RFC3: variants seen among roughly 807,000 people sequenced by gnomAD.
RFC3 encodes A1 38 kDa subunit.
Under a neutral mutation model 45.1 loss-of-function variants are expected in RFC3, and 41 were observed. That is an observed-to-expected ratio of 0.91 (90% CI 0.71 to 1.18). The LOEUF (loss-of-function observed/expected upper bound fraction) is 1.18. Among genes scored for constraint, RFC3 ranks in the 50% most tolerant of loss-of-function variants. The probability of loss-of-function intolerance (pLI) is 0.00; values close to 1 mark genes in which losing one functional copy is unlikely to be tolerated. For missense variants in RFC3, 423 were observed against 428.1 expected (o/e 0.99, Z 0.10); for synonymous variants, 149 against 144.0 (o/e 1.03, Z -0.25).
chr13:33,850,655 A>AT (rs2082270804), intron 8 of RFC3: 3 of 152,184 alleles, frequency 2.0e-5, no homozygotes, highest in African/African-American at 7.2e-5. Context: ...AAAAACAAAC[A>AT]TTAGCAAAAG....
At chr13:33,916,344 A>G (rs1206782303) in intron 8 of RFC3, among the ~76,000 whole-genome samples, 4 of 152,188 alleles carry the variant, frequency 2.6e-5, no homozygotes, top group African/African-American at 9.6e-5. Flanking sequence ...AGATGGAAAG[A>G]AAGAAAAAAA....
intron 1 of RFC3, among the ~76,000 whole-genome samples, chr13:33,818,881 GTTTTTTTTTTT>G (rs72236854): frequency 1.9e-4 from 21 of 112,040 alleles, no homozygotes; most frequent in Non-Finnish European, 3.8e-4. Flanking sequence ...CCTGAGATTA[GTTTTTTTTTTT>G]TTTTTTTTTT....
intron 8 of RFC3, among the ~76,000 whole-genome samples, chr13:33,944,826 A>G (rs2082945304): frequency 6.6e-6 from 1 of 152,044 alleles, no homozygotes; most frequent in Non-Finnish European, 1.5e-5. Flanking sequence ...CTGGATATTC[A>G]AGGAAACAGT....
chr13:33,944,073 G>A (rs2082940500), intron 8 of RFC3, among the ~76,000 whole-genome samples: 2 of 152,106 alleles, frequency 1.3e-5, no homozygotes, highest in South Asian at 4.2e-4. Flanking sequence ...ACTTTCTCAG[G>A]GTTATCCATT....
chr13:33,843,241 T>C (rs965681503), intron 8 of RFC3, among the ~76,000 whole-genome samples: 8 of 152,050 alleles, frequency 5.3e-5, no homozygotes, highest in African/African-American at 1.9e-4. Context: ...CTATGGAAAT[T>C]TGGAGCATTA....
chr13:33,931,052 A>G (rs1282115990), intron 8 of RFC3, among the ~76,000 whole-genome samples: 2 of 152,016 alleles, frequency 1.3e-5, no homozygotes, highest in East Asian at 3.9e-4. Context: ...GTGTCTTTAC[A>G]TGATATGTAG....
chr13:33,845,626 A>T (rs992042615), intron 8 of RFC3, among the ~76,000 whole-genome samples: 5 of 152,112 alleles, frequency 3.3e-5, no homozygotes, highest in African/African-American at 4.8e-5. Context: ...ATTTTTAAAA[A>T]TTTTTCAATG....
intron 8 of RFC3, among the ~76,000 whole-genome samples, chr13:33,882,340 C>G (rs2082490635): frequency 6.6e-6 from 1 of 152,168 alleles, no homozygotes; most frequent in Non-Finnish European, 1.5e-5. Flanking sequence ...CATGTAACTT[C>G]CACCATAGTC....
chr13:33,825,973 A>G, intron 4 of RFC3, 87 bp downstream of exon 4: 2 of 681,878 alleles, frequency 2.9e-6, no homozygotes. Context: ...AACAGGAGAG[A>G]AGCCTGATCT....
chr13:33,818,206 C>T lies in RFC3; in HGVS notation c.28C>T (p.Pro10Ser), dbSNP rs752098925. MSLWVDKYR[P>S]CSLGRLDYHK... ...GAGCCTCTGGGTGGACAAGTATCGG[C>T]CCTGCTCCTTGGGACGGCTGGACTA... is the stretch of plus-strand genomic sequence containing the variant. Residue 10 changes from proline (P) to serine (S), a missense_variant, in exon 1 of 9, where the codon CCC (proline) becomes TCC (serine). Physicochemically the swap from Pro to Ser is moderately conservative, Grantham distance 74 (BLOSUM62 -1). Coordinates refer to ENST00000380071, the MANE Select transcript of RFC3 (RefSeq NM_002915.4). 8 of 1,613,482 alleles carry T rather than the reference C, an allele frequency of 5.0e-6. No homozygotes were observed. In the African/African-American group the frequency reaches 5.3e-5, roughly 11 times the overall value.
At chr13:33,846,522 A>G (rs1047874245) in intron 8 of RFC3, 3 of 152,070 alleles carry the variant, frequency 2.0e-5, no homozygotes, top group Non-Finnish European at 2.9e-5. Context: ...CCTCTCCTCA[A>G]GTGGAGGGAA....
At chr13:33,831,175 C>T (rs189179161) in intron 6 of RFC3, 81 bp from the exon 7 acceptor site, 183 of 860,324 alleles carry the variant, frequency 2.1e-4, no homozygotes, top group African/African-American at 1.7e-3. Context: ...CCTAACCGCA[C>T]GGACCAGTGG....
At chr13:33,867,321 G>A (rs1032464824) in intron 8 of RFC3, among the ~76,000 whole-genome samples, 2 of 152,214 alleles carry the variant, frequency 1.3e-5, no homozygotes, top group African/African-American at 4.8e-5. Flanking sequence ...AATGGGAATT[G>A]ATTCTCTACC....
chr13:33,882,944 T>C (rs2082495079), intron 8 of RFC3, among the ~76,000 whole-genome samples: 1 of 152,228 alleles, frequency 6.6e-6, no homozygotes, highest in South Asian at 2.1e-4. Context: ...TGTCCATTTT[T>C]ATTCCTTTCT....
intron 8 of RFC3, among the ~76,000 whole-genome samples, chr13:33,956,072 GT>G (rs1186720064): frequency 6.6e-6 from 1 of 152,016 alleles, no homozygotes; most frequent in Non-Finnish European, 1.5e-5. Flanking sequence ...TAATCTATTT[GT>G]TTGCATTCAA....
chr13:33,956,626 T>C (rs1040471927), intron 8 of RFC3, among the ~76,000 whole-genome samples: 5 of 152,226 alleles, frequency 3.3e-5, no homozygotes, highest in Admixed American at 6.5e-5. Flanking sequence ...TTCTTAGAAC[T>C]TCTGTATCAA....
chr13:33,903,266 G>T (rs928532625), intron 8 of RFC3, among the ~76,000 whole-genome samples: 1 of 152,012 alleles, frequency 6.6e-6, no homozygotes, highest in Admixed American at 6.6e-5. Flanking sequence ...AATTTCTGTG[G>T]TATAAATACT....
intron 8 of RFC3, among the ~76,000 whole-genome samples, chr13:33,860,683 A>G (rs2082335380): frequency 6.6e-6 from 1 of 152,162 alleles, no homozygotes; most frequent in Non-Finnish European, 1.5e-5. Context: ...AGAAAGGGAA[A>G]TGAACCGTGT....
chr13:33,862,257 T>TTG (rs1484360913), intron 8 of RFC3, among the ~76,000 whole-genome samples: 1 of 149,474 alleles, frequency 6.7e-6, no homozygotes, highest in Non-Finnish European at 1.5e-5. Flanking sequence ...TCAGCAAAGT[T>TTG]TTTTTTTTTT....
Sources: allele counts gnomAD v4.1 joint callset (sites outside exome capture counted in the v4.1 genomes callset), GRCh38; gene constraint gnomAD v4.1.1; transcripts MANE v1.5; gene names NCBI Gene and HGNC (gene_info 2026-07-23, HGNC 2026-07-21).